ICE2: variants seen among roughly 807,000 people sequenced by gnomAD.
ICE2 encodes interactor of little elongation complex ELL subunit 2, also known as little elongation complex subunit 2.
A neutral mutation model predicts 105.4 loss-of-function variants in ICE2; 87 were observed. That is an observed-to-expected ratio of 0.83 (90% CI 0.69 to 0.99). ICE2 has a LOEUF of 0.99. Among genes scored for constraint, ICE2 ranks in the 50% least tolerant of loss-of-function variants. ICE2 has a pLI of 0.00. For synonymous variants in ICE2, 399 were observed against 392.0 expected, an observed-to-expected ratio of 1.02 and a Z score of -0.21; for missense variants, 1,323 against 1,146.7, an observed-to-expected ratio of 1.15 and a Z score of -2.22.
intron 1 of ICE2, among the ~76,000 whole-genome samples, chr15:60,478,389 C>T (rs1032241783): frequency 1.3e-5 from 2 of 152,222 alleles, no homozygotes; most frequent in Non-Finnish European, 1.5e-5. Flanking sequence ...GTTTTCCATT[C>T]CCTTACTGCC....
intron 13 of ICE2, among the ~76,000 whole-genome samples, 180 bp from the exon 14 acceptor site, chr15:60,432,164 T>G (rs1401962082): frequency 6.6e-6 from 1 of 150,402 alleles, no homozygotes; most frequent in African/African-American, 2.5e-5. Context: ...TTTACTTAAT[T>G]TTTTAAAAAA....
intron 5 of ICE2, among the ~76,000 whole-genome samples, chr15:60,466,094 T>C (rs2064419897): frequency 6.6e-6 from 1 of 152,160 alleles, no homozygotes; most frequent in African/African-American, 2.4e-5. Flanking sequence ...GCTCAATGAA[T>C]GATGGTAGGG....
In ICE2 at chr15:60,455,046, T is replaced by C. The variant is rs773860048; in HGVS notation, c.900A>G (p.Glu300=). The C allele has an allele frequency of 1.1e-5, 17 of 1,590,160 alleles. No homozygotes were observed. The South Asian group carries it at 1.7e-4, about 16-fold the overall frequency. Residue 300 remains glutamate, a synonymous_variant, in exon 8 of 16, where the codon GAA becomes GAG. Coordinates refer to ENST00000261520, the MANE Select transcript of ICE2 (RefSeq NM_024611.6). ...GAATACACACTGGAATTTCCCACTG[T>C]TCCTTGTACGTTGGTCCATGATTAT... is the stretch of plus-strand genomic sequence containing the variant. The part of the protein sequence containing the change: ...LLNNHGPTYK[E]QWEIPVCIQV...
intron 5 of ICE2, among the ~76,000 whole-genome samples, chr15:60,466,207 T>C (rs986292943): frequency 6.6e-6 from 1 of 152,188 alleles, no homozygotes; most frequent in African/African-American, 2.4e-5. Flanking sequence ...TGTGGCTGGT[T>C]ACCACAAACA....
chr15:60,435,638 T>C (rs1373581295), intron 13 of ICE2, among the ~76,000 whole-genome samples: 3 of 147,618 alleles, frequency 2.0e-5, no homozygotes, highest in African/African-American at 7.5e-5. Context: ...CCAAAATACG[T>C]ATAACCGTCA....
rs1431478281 is a variant in ICE2, at chr15:60,422,660, C to T, written c.*974G>A. On this transcript the variant is annotated 3_prime_UTR_variant, in exon 16 of 16. Coordinates refer to ENST00000261520, the MANE Select transcript of ICE2 (RefSeq NM_024611.6). ...GACCAGCCCGGCCAACATGGTAACA[C>T]CCTGTCTCTACTAAAAATACAAAAA... is the stretch of plus-strand genomic sequence containing the variant. 6.9e-6 allele frequency: 1 copy of T among 143,986 alleles called. No homozygotes were observed. Among genetic ancestry groups the T allele is most frequent in the Admixed American group, 7.2e-5 (1 of 13,822 alleles). 8.9% of individuals were successfully genotyped at this position (143,986 alleles called of 1,614,324 possible).
Position 60,435,667 on chromosome 15 carries a change from A to G in ICE2, c.2510+476T>C, listed in dbSNP as rs969558819. Reference sequence around the variant, plus strand: ...ACCGTCATCTACCACTAAACAAAGAAAAACAAAACAAACAGTACATACTGC... The same window carrying G: ...ACCGTCATCTACCACTAAACAAAGAGAAACAAAACAAACAGTACATACTGC... On this transcript the variant is annotated intron_variant, in intron 13 of 15. Coordinates refer to ENST00000261520, the MANE Select transcript of ICE2 (RefSeq NM_024611.6). Among the ~76,000 whole-genome samples, 5 of 151,740 alleles carry G rather than the reference A, an allele frequency of 3.3e-5. No individual in the cohort carries two copies. The East Asian group carries it at 9.7e-4, about 29-fold the overall frequency.
intron 15 of ICE2, among the ~76,000 whole-genome samples, chr15:60,427,704 A>C (rs1337870529): frequency 6.6e-6 from 1 of 152,228 alleles, no homozygotes; most frequent in East Asian, 1.9e-4. Flanking sequence ...GGTGTGAGCC[A>C]CTGCGCCCAG....
intron 3 of ICE2, among the ~76,000 whole-genome samples, chr15:60,473,102 C>T (rs1412659299): frequency 6.6e-6 from 1 of 151,918 alleles, no homozygotes; most frequent in Admixed American, 6.6e-5. Context: ...TGCCACCACA[C>T]CAGCTAATTT....
chr15:60,476,087 T>G lies in ICE2; in HGVS notation c.122A>C (p.Lys41Thr), dbSNP rs1166973888. 1.2e-6 allele frequency: 2 copies of G among 1,603,208 alleles called. No homozygotes were observed. The highest frequency in any genetic ancestry group is 1.7e-6 in the Non-Finnish European group (2 of 1,175,684). ...CCTGTTGGATAAAACACGTAGTTCTTTTAAACTTGGAGCCATGGAATGATC... is the reference window on the plus strand; with the variant it reads ...CCTGTTGGATAAAACACGTAGTTCTGTTAAACTTGGAGCCATGGAATGATC... Reference protein sequence around the residue: ...YKDHSMAPSLKELRVLSNRRI... With the variant: ...YKDHSMAPSLTELRVLSNRRI... Residue 41 changes from lysine to threonine, a missense_variant, in exon 3 of 16, where the codon AAA (lysine) becomes ACA (threonine). Transcript: ENST00000261520.
rs2064437907 is a variant in ICE2 at position 60,466,646 on chromosome 15, T to G, written c.476A>C (p.Lys159Thr). The G allele has an allele frequency of 1.2e-6, 2 of 1,611,788 alleles. No individual in the cohort carries two copies. Among genetic ancestry groups the G allele is most frequent in the African/African-American group, 2.7e-5 (2 of 75,030 alleles). ...AAGCATATTATAATCCTGCGCACAT[T>G]TCTTTGCAGAATTCTGCAAAAACTT... ...FLKFLQNSAK[K>T]CAQDYNMLSD... Residue 159 changes from lysine to threonine, a missense_variant, in exon 5 of 16, where the codon AAA becomes ACA. Physicochemically the swap from Lys to Thr is moderately conservative, Grantham distance 78 (BLOSUM62 -1). Transcript: ENST00000261520.
At position 60,431,338 on chromosome 15, in the gene ICE2, G is replaced by C. The variant is rs113398745; in HGVS notation, c.2561+596C>G. On this transcript the variant is annotated intron_variant, in intron 14 of 15. Coordinates refer to ENST00000261520, the MANE Select transcript of ICE2 (RefSeq NM_024611.6). ...GTGATTAAATTAAGGATTTTGAGAT[G>C]AGGGGATTATCCCAAATTATGTGAG... Among the ~76,000 whole-genome samples, 5 of 152,192 alleles carry C rather than the reference G, an allele frequency of 3.3e-5. 1 individual carries two copies. The highest frequency in any genetic ancestry group is 1.2e-4 in the African/African-American group (5 of 41,512).
intron 12 of ICE2, chr15:60,439,848 C>T (rs1234111944): frequency 6.6e-6 from 1 of 152,188 alleles, no homozygotes; most frequent in Non-Finnish European, 1.5e-5. Flanking sequence ...AATGCTTTCA[C>T]TAAGTTTGTC....
chr15:60,422,711 T>G lies in ICE2; in HGVS notation c.*923A>C, dbSNP rs1213653077. The G allele has an allele frequency of 6.6e-6, 1 of 151,936 alleles. No individual in the cohort carries two copies. The highest frequency in any genetic ancestry group is 1.5e-5 in the Non-Finnish European group (1 of 68,094). 9.4% of individuals were successfully genotyped at this position (151,936 alleles called of 1,614,324 possible). Reference sequence around the variant, plus strand: ...AAAATTAGCCAAGCCTGGTGGTAGGTGCCTGTAGTCCCAGCTACTCGGGAG... The same window carrying G: ...AAAATTAGCCAAGCCTGGTGGTAGGGGCCTGTAGTCCCAGCTACTCGGGAG... On this transcript the variant is annotated 3_prime_UTR_variant, in exon 16 of 16. Coordinates refer to ENST00000261520, the MANE Select transcript of ICE2 (RefSeq NM_024611.6).
At chr15:60,444,809 C>G (rs537313991) in intron 11 of ICE2, among the ~76,000 whole-genome samples, 3 of 152,040 alleles carry the variant, frequency 2.0e-5, no homozygotes, top group Non-Finnish European at 4.4e-5. Flanking sequence ...CTCAGCCTCC[C>G]GAGCAGCCAG....
intron 10 of ICE2, 122 bp downstream of exon 10, chr15:60,448,726 A>C (rs896458668): frequency 1.2e-6 from 1 of 832,382 alleles, no homozygotes; most frequent in Non-Finnish European, 1.9e-6. Context: ...CGAAAAAATG[A>C]AATATCAGTG....
intron 2 of ICE2, among the ~76,000 whole-genome samples, chr15:60,477,625 G>C (rs1364113768): frequency 6.6e-6 from 1 of 152,120 alleles, no homozygotes. Context: ...ATGGAAATGG[G>C]CCAAGGTTCT....
chr15:60,445,909 C>T (rs934603752), intron 11 of ICE2: 1 of 334,556 alleles, frequency 3.0e-6, no homozygotes, highest in African/African-American at 2.2e-5. Flanking sequence ...CTTGAAAATA[C>T]AATCTATAGG....
intron 5 of ICE2, among the ~76,000 whole-genome samples, chr15:60,465,702 G>A (rs76976989): frequency 3.8e-4 from 7 of 18,490 alleles, no homozygotes; most frequent in South Asian, 3.8e-3. Flanking sequence ...CTACAAATAT[G>A]TGTGTGTGTA....
Sources: allele counts gnomAD v4.1 joint callset (sites outside exome capture counted in the v4.1 genomes callset), GRCh38; gene constraint gnomAD v4.1.1; transcripts MANE v1.5; gene names NCBI Gene and HGNC (gene_info 2026-07-23, HGNC 2026-07-21).